The following SLC2A9 variants were observed in gnomAD, a reference collection of about 807,000 sequenced individuals.
SLC2A9 encodes the protein solute carrier family 2 member 9, also known as solute carrier family 2, facilitated glucose transporter member 9.
SLC2A9 carries 39 observed loss-of-function variants against 50.6 expected under a neutral mutation model. The ratio of observed to expected loss-of-function variants is 0.77; its 90% CI spans 0.60 to 1.01. SLC2A9 has a LOEUF of 1.01. Among genes scored for constraint, SLC2A9 ranks in the 50% least tolerant of loss-of-function variants. The probability of loss-of-function intolerance (pLI) is 0.00; values close to 1 mark genes in which losing one functional copy is unlikely to be tolerated. For missense variants in SLC2A9, 686 were observed against 677.6 expected (o/e 1.01, Z -0.14); for synonymous variants, 324 against 276.9 (o/e 1.17, Z -1.69).
chr4:9,860,951 C>T (rs1390810625), intron 10 of SLC2A9, among the ~76,000 whole-genome samples: 1 of 152,178 alleles, frequency 6.6e-6, no homozygotes, highest in Non-Finnish European at 1.5e-5. Flanking sequence ...CTGATCTCTG[C>T]TCCATGATCA....
chr4:9,815,315 T>G lies in SLC2A9; in HGVS notation n.420+11105A>C, dbSNP rs1723427188. 2.6e-5 allele frequency among the ~76,000 whole-genome samples: 4 copies of G among 152,332 alleles called. No homozygotes were observed. In the South Asian group the frequency reaches 8.3e-4, roughly 32 times the overall value. On this transcript the variant is annotated intron_variant and non_coding_transcript_variant, in intron 3 of 3. Coordinates refer to the SLC2A9 transcript ENST00000503280. The stretch of plus-strand genomic sequence containing the variant: ...ACAACTTGTCAAGTGTCTAAAGAAT[T>G]GGGCTGACTTCACATATTCTCATTT...
At chr4:9,826,964 A>G (rs1256388860) in intron 11 of SLC2A9, among the ~76,000 whole-genome samples, 2 of 152,200 alleles carry the variant, frequency 1.3e-5, no homozygotes, top group Admixed American at 6.5e-5. Context: ...TACTATACAC[A>G]TGAGACAAGA....
intron 3 of SLC2A9, among the ~76,000 whole-genome samples, chr4:9,996,409 A>G (rs1758675475): frequency 6.6e-6 from 1 of 152,148 alleles, no homozygotes; most frequent in African/African-American, 2.4e-5. Flanking sequence ...CATCTCCTGG[A>G]TGGCAACATG....
At chr4:9,893,549 A>G (rs2109819218) in intron 8 of SLC2A9, among the ~76,000 whole-genome samples, 1 of 137,256 alleles carries the variant, frequency 7.3e-6, no homozygotes, top group South Asian at 2.6e-4. Flanking sequence ...GGGGAGGCAG[A>G]GAGGGACGGA....
intron 6 of SLC2A9, among the ~76,000 whole-genome samples, chr4:9,924,817 T>C (rs956546960): frequency 1.3e-5 from 2 of 152,168 alleles, no homozygotes; most frequent in African/African-American, 4.8e-5. Flanking sequence ...CTGCCTTCCG[T>C]GTCTGATTTG....
chr4:9,784,400 CATCT>C (rs1280698417), intron 3 of SLC2A9, among the ~76,000 whole-genome samples: 8 of 152,166 alleles, frequency 5.3e-5, no homozygotes, highest in Non-Finnish European at 1.0e-4. Flanking sequence ...AATCTTTCTC[CATCT>C]GACAACTGTA....
At chr4:9,771,325 C>T (rs961340738) in exon 2 of SLC2A9, 1 of 391,034 alleles carries the variant, frequency 2.6e-6, no homozygotes, top group Non-Finnish European at 4.5e-6. Flanking sequence ...CTCAGGTATC[C>T]AGGCACATTC....
chr4:9,926,269 G>A (rs1744883942), intron 6 of SLC2A9, among the ~76,000 whole-genome samples: 2 of 27,806 alleles, frequency 7.2e-5, no homozygotes, highest in African/African-American at 1.4e-4. Flanking sequence ...ATTGTCTCAG[G>A]ACCAGTGGGT....
At chr4:9,851,818 A>C (rs1259593062) in intron 10 of SLC2A9, among the ~76,000 whole-genome samples, 4 of 152,232 alleles carry the variant, frequency 2.6e-5, no homozygotes, top group Non-Finnish European at 5.9e-5. Flanking sequence ...ATGAAGAAAA[A>C]ATCTCAGAGC....
Position 9,806,535 on chromosome 4 carries a change from C to T in SLC2A9, n.421-7294G>A, listed in dbSNP as rs116545761. On this transcript the variant is annotated intron_variant and non_coding_transcript_variant, in intron 3 of 3. Coordinates refer to the SLC2A9 transcript ENST00000503280. ...AACCCCTGATTTCCCACTCCACATG[C>T]GATATTTCTGTGTGTGTCTTTAATT... is the stretch of plus-strand genomic sequence containing the variant. 4.1e-3 allele frequency among the ~76,000 whole-genome samples: 623 copies of T among 152,304 alleles called. 2 individuals are homozygous for T. Among genetic ancestry groups the T allele is most frequent in the African/African-American group, 0.013 (557 of 41,558 alleles).
chr4:9,936,795 C>T (rs1163221750), intron 6 of SLC2A9, among the ~76,000 whole-genome samples: 1 of 152,116 alleles, frequency 6.6e-6, no homozygotes, highest in African/African-American at 2.4e-5. Flanking sequence ...GACTCCCCCA[C>T]CACCCTGAAA....
intron 6 of SLC2A9, among the ~76,000 whole-genome samples, chr4:9,939,730 G>A (rs1747775182): frequency 1.3e-5 from 2 of 152,146 alleles, no homozygotes; most frequent in African/African-American, 4.8e-5. Context: ...ATTAGTGGGT[G>A]TTTCTGTCCA....
At chr4:9,917,061 G>A (rs952464820) in intron 7 of SLC2A9, among the ~76,000 whole-genome samples, 1 of 152,184 alleles carries the variant, frequency 6.6e-6, no homozygotes, top group African/African-American at 2.4e-5. Context: ...GGACGGGGAT[G>A]GGCCTAAAGC....
chr4:9,776,383 C>G (rs995741036), downstream of SLC2A9, among the ~76,000 whole-genome samples: 1 of 151,972 alleles, frequency 6.6e-6, no homozygotes, highest in Non-Finnish European at 1.5e-5. Flanking sequence ...AGCCTGGATA[C>G]CCCACTGTTG....
In SLC2A9 at chr4:10,031,641, A is replaced by G. The variant is rs373023250; in HGVS notation, c.-40-5635T>C. 7.2e-5 allele frequency among the ~76,000 whole-genome samples: 11 copies of G among 152,254 alleles called. No homozygotes were observed. The East Asian group carries it at 1.9e-3, about 27-fold the overall frequency. Reference sequence around the variant, plus strand: ...TTCATTTTTAAACAAAAAAGAGTGAATGTTTCTGCTTATGAAATTCTGGAA... The same window carrying G: ...TTCATTTTTAAACAAAAAAGAGTGAGTGTTTCTGCTTATGAAATTCTGGAA... On this transcript the variant is annotated intron_variant, in intron 1 of 12. Coordinates refer to the SLC2A9 transcript ENST00000309065.
At chr4:10,022,788 C>T (rs143598644), upstream of SLC2A9, among the ~76,000 whole-genome samples, 37 of 152,290 alleles carry the variant, frequency 2.4e-4, no homozygotes, top group African/African-American at 7.9e-4. Context: ...TGGAAACGTC[C>T]GGCCCTGACA....
At chr4:9,795,764 G>T (rs922034729), downstream of SLC2A9, among the ~76,000 whole-genome samples, 6 of 152,200 alleles carry the variant, frequency 3.9e-5, no homozygotes, top group African/African-American at 1.4e-4. Flanking sequence ...CAGGGCACAG[G>T]TCCTTTGTCC....
intron 5 of SLC2A9, among the ~76,000 whole-genome samples, chr4:9,958,776 C>T (rs563316487): frequency 2.6e-4 from 40 of 152,116 alleles, no homozygotes; most frequent in African/African-American, 9.2e-4. Context: ...CCCATTTAGA[C>T]GAAAGCAACA....
upstream of SLC2A9, among the ~76,000 whole-genome samples, chr4:10,023,459 T>C (rs1165104476): frequency 6.6e-6 from 1 of 152,208 alleles, no homozygotes; most frequent in Non-Finnish European, 1.5e-5. Context: ...AGTGGGGACC[T>C]CACCAGATTT....
Sources: gnomAD v4.1 joint callset for allele counts (sites outside exome capture counted in the v4.1 genomes callset) on GRCh38, gnomAD v4.1.1 for gene constraint, MANE v1.5 for transcripts, NCBI Gene and HGNC (gene_info 2026-07-23, HGNC 2026-07-21) for gene names.